CTBP2: variants seen among roughly 807,000 people sequenced by gnomAD.
CTBP2 encodes C-terminal-binding protein 2.
Under a neutral mutation model 80.3 loss-of-function variants are expected in CTBP2, and 30 were observed. That is an observed-to-expected ratio of 0.37 (90% CI 0.28 to 0.51). CTBP2 has a LOEUF of 0.51. Ranked by LOEUF, CTBP2 falls within the 20% of genes least tolerant of loss-of-function variation. The probability of loss-of-function intolerance (pLI) is 0.93; values close to 1 mark genes in which losing one functional copy is unlikely to be tolerated. For missense variants in CTBP2, 1,212 were observed against 1,375.3 expected (o/e 0.88, Z 1.88); for synonymous variants, 594 against 587.4 (o/e 1.01, Z -0.16).
rs117270848 is a variant in CTBP2 at position 125,125,038 on chromosome 10, G to A, written c.-205-13945C>T. On this transcript the variant is annotated intron_variant, in intron 1 of 10. Coordinates refer to the CTBP2 transcript ENST00000337195. ...CCCCAGTGTAACTTGGGAGCGGTTG[G>A]TGCCACTGCCACTGGCTGTAGCCAC... is the stretch of plus-strand genomic sequence containing the variant. 3.5e-3 allele frequency among the ~76,000 whole-genome samples: 535 copies of A among 152,270 alleles called. 4 individuals are homozygous for A. Among genetic ancestry groups the A allele is most frequent in the South Asian group, 0.022 (106 of 4,822 alleles).
intron 3 of CTBP2, 94 bp from the exon 6 acceptor site, chr10:124,998,264 G>C: frequency 7.1e-7 from 1 of 1,401,378 alleles, no homozygotes; most frequent in Non-Finnish European, 9.7e-7. Context: ...AGACTCGGTT[G>C]TTGGCACCGG....
chr10:125,023,975 G>A (rs974641517), intron 1 of CTBP2, among the ~76,000 whole-genome samples: 1 of 152,188 alleles, frequency 6.6e-6, no homozygotes, highest in Non-Finnish European at 1.5e-5. Context: ...ACGAAGATGC[G>A]TTCAGGCTGG....
intron 2 of CTBP2, among the ~76,000 whole-genome samples, chr10:125,043,294 G>A (rs1180208084): frequency 6.6e-6 from 1 of 152,190 alleles, no homozygotes; most frequent in Non-Finnish European, 1.5e-5. Flanking sequence ...TCTAAAATCT[G>A]GGCAGGTTAA....
intron 2 of CTBP2, among the ~76,000 whole-genome samples, chr10:125,083,422 C>G (rs995222200): frequency 8.5e-5 from 13 of 152,238 alleles, no homozygotes; most frequent in Admixed American, 7.2e-4. Flanking sequence ...CAGGGCTGTC[C>G]GAGGACACAA....
At chr10:125,128,911 G>A (rs535060450) in intron 1 of CTBP2, among the ~76,000 whole-genome samples, 1 of 152,318 alleles carries the variant, frequency 6.6e-6, no homozygotes, top group African/African-American at 2.4e-5. Flanking sequence ...GTCCATTAAT[G>A]GGTGAGCGGG....
chr10:125,059,735 C>A (rs979002324), intron 2 of CTBP2, among the ~76,000 whole-genome samples: 3 of 152,184 alleles, frequency 2.0e-5, no homozygotes, highest in African/African-American at 7.2e-5. Flanking sequence ...CATCAGTGGG[C>A]AGCTCAGTGT....
intron 2 of CTBP2, among the ~76,000 whole-genome samples, chr10:125,052,132 G>A (rs759629281): frequency 3.3e-5 from 5 of 152,218 alleles, no homozygotes; most frequent in Admixed American, 3.3e-4. Context: ...GGGGGTCTGC[G>A]CTGCTGAGAC....
intron 1 of CTBP2, among the ~76,000 whole-genome samples, chr10:125,120,888 G>A (rs1457109179): frequency 6.6e-6 from 1 of 152,170 alleles, no homozygotes; most frequent in Non-Finnish European, 1.5e-5. Flanking sequence ...AATACTGACT[G>A]GGAAAGTGAA....
intron 2 of CTBP2, among the ~76,000 whole-genome samples, chr10:125,096,947 A>G (rs1380258580): frequency 6.6e-6 from 1 of 152,266 alleles, no homozygotes; most frequent in Non-Finnish European, 1.5e-5. Context: ...CAAACATTTT[A>G]GAGTGTATCT....
In CTBP2 at chr10:125,027,418, C is replaced by A. The variant is rs767121309; in HGVS notation, c.342G>T (p.Pro114=). The change falls in exon 1 of 9, where the codon CCG becomes CCT. Residue 114 remains proline, a synonymous_variant. Coordinates refer to ENST00000309035, the MANE Select transcript of CTBP2 (RefSeq NM_022802.3). ...CTTTGGGTACCCTAGCAGCTCCAGA[C>A]GGATCACTGTAGTACTCCCGTGGCA... 1 of 1,614,058 alleles carries A rather than the reference C, an allele frequency of 6.2e-7. No individual in the cohort carries two copies. Among genetic ancestry groups the A allele is most frequent in the East Asian group, 2.2e-5 (1 of 44,874 alleles).
At chr10:125,059,554 C>A (rs998090276) in intron 2 of CTBP2, among the ~76,000 whole-genome samples, 4 of 152,126 alleles carry the variant, frequency 2.6e-5, no homozygotes. Context: ...TGCACTCCAG[C>A]CAAAAGTGAC....
chr10:125,152,239 GGGACCCCA>G (rs1212788080), intron 1 of CTBP2, among the ~76,000 whole-genome samples: 1 of 152,114 alleles, frequency 6.6e-6, no homozygotes, highest in Non-Finnish European at 1.5e-5. Context: ...CCGGGACCCC[GGGACCCCA>G]GAAGCCCGGA....
chr10:125,038,874 G>A (rs1300792197), intron 3 of CTBP2, 123 bp downstream of exon 3: 3 of 941,620 alleles, frequency 3.2e-6, no homozygotes, highest in Non-Finnish European at 3.3e-6. Context: ...ATGGTATGCA[G>A]TGTTGGAATC....
chr10:125,069,419 AC>A (rs1483431923), intron 2 of CTBP2, among the ~76,000 whole-genome samples: 1 of 152,140 alleles, frequency 6.6e-6, no homozygotes, highest in African/African-American at 2.4e-5. Context: ...GGAGTTCAAG[AC>A]CAGCCTGGCC....
chr10:125,147,128 T>C (rs1274693067), intron 1 of CTBP2, among the ~76,000 whole-genome samples: 1 of 152,184 alleles, frequency 6.6e-6, no homozygotes, highest in Non-Finnish European at 1.5e-5. Context: ...GGAGCTATGA[T>C]GATGACGTGT....
intron 4 of CTBP2, chr10:124,996,934 AC>A (rs1370270427): frequency 2.0e-5 from 3 of 152,246 alleles, no homozygotes; most frequent in Admixed American, 2.0e-4. Context: ...GCGAGGCCAG[AC>A]CCAGGAGATC....
At chr10:125,125,643 A>T (rs1855109152) in intron 1 of CTBP2, among the ~76,000 whole-genome samples, 1 of 152,242 alleles carries the variant, frequency 6.6e-6, no homozygotes, top group Non-Finnish European at 1.5e-5. Context: ...TCCCAAAACC[A>T]GTCAACAGTG....
chr10:125,005,441 G>A lies in CTBP2; in HGVS notation c.1679-1949C>T, dbSNP rs1042600621. The A allele has an allele frequency of 1.1e-5, 12 of 1,134,226 alleles. No individual in the cohort carries two copies. In the East Asian group the frequency reaches 2.3e-4, roughly 22 times the overall value. 70.3% of individuals were successfully genotyped at this position (1,134,226 alleles called of 1,614,324 possible). A position where few individuals can be genotyped will look rare whatever the true frequency, so the allele number is the denominator to read the frequency against. On this transcript the variant is annotated intron_variant, in intron 1 of 8. Coordinates refer to ENST00000309035, the MANE Select transcript of CTBP2 (RefSeq NM_022802.3). ...CCCCGACACCCAGGTCCCCAAACAGGGTGTCCGCATGGATCCGCACTCCAA... is the reference window on the plus strand; with the variant it reads ...CCCCGACACCCAGGTCCCCAAACAGAGTGTCCGCATGGATCCGCACTCCAA...
intron 2 of CTBP2, among the ~76,000 whole-genome samples, chr10:125,091,459 G>GCTATTT (rs1848748747): frequency 6.6e-6 from 1 of 152,184 alleles, no homozygotes; most frequent in Non-Finnish European, 1.5e-5. Flanking sequence ...AGGGTGACCA[G>GCTATTT]CTATTTTATT....
Sources: allele counts gnomAD v4.1 joint callset (sites outside exome capture counted in the v4.1 genomes callset), GRCh38; gene constraint gnomAD v4.1.1; transcripts MANE v1.5; gene names NCBI Gene and HGNC (gene_info 2026-07-23, HGNC 2026-07-21).